Variants in CRPPA observed in about 807,000 individuals in gnomAD.
The protein encoded by CRPPA is CDP-L-ribitol pyrophosphorylase A.
Under a neutral mutation model 52.0 loss-of-function variants are expected in CRPPA, and 43 were observed. The ratio of observed to expected loss-of-function variants is 0.83; its 90% CI spans 0.65 to 1.07. CRPPA has a LOEUF of 1.07. Among genes scored for constraint, CRPPA ranks in the 50% least tolerant of loss-of-function variants. The pLI is 0.00. For missense variants in CRPPA, 629 were observed against 551.7 expected (o/e 1.14, Z -1.40); for synonymous variants, 250 against 203.5 (o/e 1.23, Z -1.94).
intron 5 of CRPPA, among the ~76,000 whole-genome samples, chr7:16,282,346 T>C (rs1046369913): frequency 2.0e-5 from 3 of 152,096 alleles, no homozygotes; most frequent in Non-Finnish European, 4.4e-5. Context: ...ATTTCCTCTA[T>C]GGATTATGTA....
intron 3 of CRPPA, among the ~76,000 whole-genome samples, chr7:16,365,502 T>A (rs764891772): frequency 3.9e-5 from 6 of 152,132 alleles, no homozygotes; most frequent in Admixed American, 6.5e-5. Context: ...TGTGGTAGTA[T>A]CACAGGAGAC....
At chr7:16,148,743 C>A (rs183924040) in intron 9 of CRPPA, among the ~76,000 whole-genome samples, 81 of 151,946 alleles carry the variant, frequency 5.3e-4, no homozygotes, top group Non-Finnish European at 1.1e-3. Flanking sequence ...TAAGACAGAC[C>A]AAGTCCGTGA....
chr7:16,174,058 C>T (rs1781245181), intron 9 of CRPPA, among the ~76,000 whole-genome samples: 1 of 151,952 alleles, frequency 6.6e-6, no homozygotes, highest in African/African-American at 2.4e-5. Context: ...AATACATTGC[C>T]TTTGTGATCT....
chr7:16,087,945 G>A lies in CRPPA; in HGVS notation c.*3750C>T, dbSNP rs918576308. The A allele has an allele frequency of 2.6e-5, 4 of 152,076 alleles. No individual in the cohort carries two copies. Among genetic ancestry groups the A allele is most frequent in the Admixed American group, 2.6e-4 (4 of 15,268 alleles). The allele number at this position is 152,076 out of a possible 1,614,324, so 9.4% of individuals were successfully genotyped here. On this transcript the variant is annotated 3_prime_UTR_variant, in exon 10 of 10. Transcript: ENST00000407010. ...ATTTGATTTTTATAAGATGATCACTGTATTTACATAAAGTTGAGTTATAAG... is the reference window on the plus strand; with the variant it reads ...ATTTGATTTTTATAAGATGATCACTATATTTACATAAAGTTGAGTTATAAG...
chr7:16,163,834 A>T (rs573999099), intron 9 of CRPPA, among the ~76,000 whole-genome samples: 1 of 152,108 alleles, frequency 6.6e-6, no homozygotes, highest in Non-Finnish European at 1.5e-5. Context: ...AAGATTGTTG[A>T]ATGTTGACCC....
At chr7:16,137,687 A>G (rs763381401) in intron 9 of CRPPA, among the ~76,000 whole-genome samples, 14 of 152,182 alleles carry the variant, frequency 9.2e-5, no homozygotes, top group Non-Finnish European at 1.9e-4. Context: ...TTTTCTTTCA[A>G]TTAGACTGAT....
intron 3 of CRPPA, among the ~76,000 whole-genome samples, chr7:16,374,304 C>T (rs1324057693): frequency 6.6e-6 from 1 of 152,118 alleles, no homozygotes; most frequent in Non-Finnish European, 1.5e-5. Flanking sequence ...TCCCTCTGCC[C>T]TTGGACATCA....
intron 9 of CRPPA, among the ~76,000 whole-genome samples, chr7:16,168,534 A>AACACACAC (rs61189058): frequency 4.3e-4 from 62 of 143,250 alleles, no homozygotes; most frequent in African/African-American, 1.4e-3. Flanking sequence ...AGTGAAGTAA[A>AACACACAC]ACACACACAC....
intron 9 of CRPPA, among the ~76,000 whole-genome samples, chr7:16,191,002 T>C (rs1314841601): frequency 1.3e-5 from 2 of 152,176 alleles, no homozygotes; most frequent in African/African-American, 4.8e-5. Flanking sequence ...TATGTATATA[T>C]GTCACATTTT....
At position 16,089,455 on chromosome 7, in the gene CRPPA, A is replaced by G. The variant is rs1469344898; in HGVS notation, c.*2240T>C. The G allele has an allele frequency of 3.0e-6, 1 of 331,884 alleles. No individual in the cohort carries two copies. Among genetic ancestry groups the G allele is most frequent in the Admixed American group, 2.6e-5 (1 of 38,008 alleles). The allele number at this position is 331,884 out of a possible 1,614,324, so 20.6% of individuals were successfully genotyped here. A position where few individuals can be genotyped will look rare whatever the true frequency, so the allele number is the denominator to read the frequency against. On this transcript the variant is annotated 3_prime_UTR_variant, in exon 10 of 10. Transcript: ENST00000407010. ...TGTGTATATATGTACGTGCATACATATATGTGTATATATGTACGTACATAT... is the reference window on the plus strand; with the variant it reads ...TGTGTATATATGTACGTGCATACATGTATGTGTATATATGTACGTACATAT...
At chr7:16,398,398 G>T (rs1033791246) in intron 2 of CRPPA, among the ~76,000 whole-genome samples, 1 of 152,172 alleles carries the variant, frequency 6.6e-6, no homozygotes, top group Non-Finnish European at 1.5e-5. Flanking sequence ...TGACTGACAC[G>T]TGACCAACAT....
rs1380949449 is a variant in CRPPA at position 16,390,007 on chromosome 7, A to T, written c.535-13766T>A. On this transcript the variant is annotated intron_variant, in intron 2 of 9. Coordinates refer to ENST00000407010, the MANE Select transcript of CRPPA (RefSeq NM_001101426.4). ...ATACAACAATCCAAAAATGAAATTT[A>T]AAAAATTCACTCACAAAAGCATTGA... Among the ~76,000 whole-genome samples the T allele has an allele frequency of 9.5e-5, 14 of 147,678 alleles. No homozygotes were observed. In the South Asian group the frequency reaches 2.4e-3, roughly 25 times the overall value.
Position 16,286,097 on chromosome 7 carries a change from A to AAATATATATAT in CRPPA, c.836-7872_836-7871insATATATATATT. On this transcript the variant is annotated intron_variant, in intron 5 of 9. Coordinates refer to ENST00000407010, the MANE Select transcript of CRPPA (RefSeq NM_001101426.4). ...TATATATATAATATTTAAAAAAAAA[A>AAATATATATAT]ATATATATATATATATATATGCCAA... 1.4e-3 allele frequency among the ~76,000 whole-genome samples: 55 copies of AAATATATATAT among 39,118 alleles called. 3 individuals carry two copies. Among genetic ancestry groups the AAATATATATAT allele is most frequent in the African/African-American group, 4.0e-3 (22 of 5,450 alleles). The allele number at this position is 39,118 out of a possible 152,430, so 25.7% of individuals were successfully genotyped here. A position where few individuals can be genotyped will look rare whatever the true frequency, so the allele number is the denominator to read the frequency against.
At chr7:16,350,834 T>C (rs1001675099) in intron 3 of CRPPA, among the ~76,000 whole-genome samples, 1 of 152,008 alleles carries the variant, frequency 6.6e-6, no homozygotes, top group Non-Finnish European at 1.5e-5. Context: ...GGATAAAAGA[T>C]CCAACTATAT....
At chr7:16,245,007 C>G (rs904747709) in intron 8 of CRPPA, among the ~76,000 whole-genome samples, 13 of 151,270 alleles carry the variant, frequency 8.6e-5, no homozygotes, top group African/African-American at 2.9e-4. Flanking sequence ...TTTGACCATT[C>G]TTTTCAAATT....
chr7:16,147,424 G>T (rs1782995570), intron 9 of CRPPA, among the ~76,000 whole-genome samples: 1 of 152,052 alleles, frequency 6.6e-6, no homozygotes, highest in Non-Finnish European at 1.5e-5. Flanking sequence ...ATTATGTGTG[G>T]TTATAATACC....
chr7:16,252,501 G>A (rs534216963), intron 8 of CRPPA, among the ~76,000 whole-genome samples: 49 of 152,256 alleles, frequency 3.2e-4, no homozygotes, highest in African/African-American at 1.2e-3. Flanking sequence ...ACAAGACTCA[G>A]TTTGCCAGTA....
intron 4 of CRPPA, among the ~76,000 whole-genome samples, chr7:16,303,434 C>T (rs955209142): frequency 2.4e-5 from 3 of 126,312 alleles, no homozygotes; most frequent in Non-Finnish European, 4.7e-5. Flanking sequence ...ATTCCTATCA[C>T]GTCTACATGT....
intron 9 of CRPPA, among the ~76,000 whole-genome samples, chr7:16,214,383 A>T (rs1782245659): frequency 6.6e-6 from 1 of 152,236 alleles, no homozygotes; most frequent in Non-Finnish European, 1.5e-5. Flanking sequence ...ATTTGCCTCA[A>T]TAAACTCTAC....
Sources: gnomAD v4.1 joint callset for allele counts (sites outside exome capture counted in the v4.1 genomes callset) on GRCh38, gnomAD v4.1.1 for gene constraint, MANE v1.5 for transcripts, NCBI Gene and HGNC (gene_info 2026-07-23, HGNC 2026-07-21) for gene names.